Variants in PNPLA8 observed in about 807,000 individuals in gnomAD.
PNPLA8 encodes the protein patatin like domain 8, phospholipase A2.
Under a neutral mutation model 76.9 loss-of-function variants are expected in PNPLA8, and 39 were observed. That is an observed-to-expected ratio of 0.51 (90% CI 0.39 to 0.66). The LOEUF (loss-of-function observed/expected upper bound fraction) is 0.66. Ranked by LOEUF, PNPLA8 falls within the 30% of genes least tolerant of loss-of-function variation. PNPLA8 has a pLI of 0.00. For missense variants in PNPLA8, 887 were observed against 918.0 expected (o/e 0.97, Z 0.44); for synonymous variants, 301 against 307.9 (o/e 0.98, Z 0.24).
chr7:108,481,978 C>T (rs1023195730), intron 9 of PNPLA8, among the ~76,000 whole-genome samples: 1 of 152,142 alleles, frequency 6.6e-6, no homozygotes, highest in African/African-American at 2.4e-5. Context: ...CCTTTCTCCA[C>T]TGAATTGCTT....
Position 108,481,824 on chromosome 7 carries a change from T to C in PNPLA8, c.1879-2445A>G, listed in dbSNP as rs560440150. Among the ~76,000 whole-genome samples the C allele has an allele frequency of 7.4e-3, 1,129 of 152,312 alleles. 4 individuals carry two copies. Among genetic ancestry groups the C allele is most frequent in the Non-Finnish European group, 0.012 (802 of 68,016 alleles). ...GTTTTACATTTAGAACTACGATCCA[T>C]TATAAATTATCTTTGTATAATGTGT... On this transcript the variant is annotated intron_variant, in intron 9 of 10. Coordinates refer to ENST00000257694, the MANE Select transcript of PNPLA8 (RefSeq NM_001256007.3).
upstream of PNPLA8, among the ~76,000 whole-genome samples, chr7:108,527,481 T>C (rs142637814): frequency 1.3e-5 from 2 of 152,338 alleles, no homozygotes; most frequent in African/African-American, 4.8e-5. Context: ...AGATTCCTCC[T>C]TGTTGCTAAA....
At chr7:108,507,411 T>C (rs1862533387) in intron 4 of PNPLA8, among the ~76,000 whole-genome samples, 1 of 150,798 alleles carries the variant, frequency 6.6e-6, no homozygotes. Flanking sequence ...TCTCAGTACT[T>C]TGGGAGGCAA....
At chr7:108,518,549 C>T (rs1598973637) in intron 2 of PNPLA8, among the ~76,000 whole-genome samples, 1 of 151,850 alleles carries the variant, frequency 6.6e-6, no homozygotes, top group Admixed American at 6.6e-5. Context: ...AATAACTGTA[C>T]CACTCTGGTG....
chr7:108,522,196 A>G (rs774149987), intron 1 of PNPLA8, among the ~76,000 whole-genome samples: 1 of 151,700 alleles, frequency 6.6e-6, no homozygotes, highest in Non-Finnish European at 1.5e-5. Flanking sequence ...CGGGAGGCTG[A>G]GGCAGAAGAA....
chr7:108,494,419 T>C (rs762520503), intron 7 of PNPLA8, among the ~76,000 whole-genome samples: 1 of 152,206 alleles, frequency 6.6e-6, no homozygotes, highest in African/African-American at 2.4e-5. Flanking sequence ...TATGTTCATG[T>C]ATATTCAATG....
At chr7:108,503,541 C>T (rs957723941) in intron 4 of PNPLA8, among the ~76,000 whole-genome samples, 1 of 151,974 alleles carries the variant, frequency 6.6e-6, no homozygotes, top group Non-Finnish European at 1.5e-5. Context: ...TTTCCATTTC[C>T]GGTTAAGATG....
At chr7:108,487,002 C>T (rs1339145805) in intron 9 of PNPLA8, among the ~76,000 whole-genome samples, 2 of 152,060 alleles carry the variant, frequency 1.3e-5, no homozygotes, top group African/African-American at 4.8e-5. Context: ...AAAGTATCAG[C>T]TCTAAAGCTT....
At chr7:108,510,611 G>C (rs1413043279) in intron 4 of PNPLA8, 1 of 1,556,398 alleles carries the variant, frequency 6.4e-7, no homozygotes, top group Non-Finnish European at 8.8e-7. Flanking sequence ...GCTCAACAAG[G>C]CTTCGACTAA....
At chr7:108,487,999 T>A (rs749084206) in intron 8 of PNPLA8, 46 bp from the exon 9 acceptor site, 4 of 1,189,778 alleles carry the variant, frequency 3.4e-6, no homozygotes, top group Non-Finnish European at 4.9e-6. Context: ...CAGTAATATA[T>A]TTGGGATCTG....
chr7:108,520,744 T>G (rs1863676351), intron 2 of PNPLA8, among the ~76,000 whole-genome samples: 1 of 152,066 alleles, frequency 6.6e-6, no homozygotes. Context: ...AAAAAATTCA[T>G]GCTCAACTTG....
intron 2 of PNPLA8, among the ~76,000 whole-genome samples, chr7:108,518,744 TATATATATATATATAC>T (rs1488835756): frequency 0.02 from 1,551 of 78,804 alleles, 32 homozygotes; most frequent in African/African-American, 0.089. Flanking sequence ...TATATATATA[TATATATATATATATAC>T]ACACACACAC....
intron 7 of PNPLA8, among the ~76,000 whole-genome samples, chr7:108,494,760 T>C (rs1379357374): frequency 6.6e-6 from 1 of 152,138 alleles, no homozygotes; most frequent in Non-Finnish European, 1.5e-5. Flanking sequence ...CTTAAAAACA[T>C]AAAAGTTAAA....
At chr7:108,502,281 A>G (rs1293901888) in intron 5 of PNPLA8, among the ~76,000 whole-genome samples, 1 of 151,790 alleles carries the variant, frequency 6.6e-6, no homozygotes, top group African/African-American at 2.4e-5. Flanking sequence ...TGTCTCCACT[A>G]AAACTACAAA....
chr7:108,488,084 AAG>A, intron 8 of PNPLA8, 131 bp from the exon 9 acceptor site: 2 of 455,884 alleles, frequency 4.4e-6, no homozygotes, highest in Non-Finnish European at 7.8e-6. Context: ...ATGCTGAAAA[AAG>A]AGAATCAGAT....
At chr7:108,503,260 G>A (rs1862095649) in intron 4 of PNPLA8, among the ~76,000 whole-genome samples, 1 of 152,200 alleles carries the variant, frequency 6.6e-6, no homozygotes, top group African/African-American at 2.4e-5. Context: ...AGAGTTCTAT[G>A]TTGCTTACCA....
chr7:108,515,441 T>G lies in PNPLA8; in HGVS notation c.51A>C (p.Ala17=). The part of the protein sequence containing the change: ...VDIYIYLLSN[A]RSVCGKQRSK... ...TTCTCTGCTTCCCACAAACACTTCT[T>G]GCATTACTAAGGAGGTAAATATATA... Residue 17 remains alanine, a synonymous_variant, in exon 3 of 11, where the codon GCA becomes GCC. Coordinates refer to ENST00000257694, the MANE Select transcript of PNPLA8 (RefSeq NM_001256007.3). 6.2e-7 allele frequency: 1 copy of G among 1,601,802 alleles called. No individual in the cohort carries two copies. Among genetic ancestry groups the G allele is most frequent in the Non-Finnish European group, 8.5e-7 (1 of 1,174,792 alleles).
At chr7:108,496,531 T>A (rs989395466) in intron 7 of PNPLA8, 53 bp downstream of exon 7, 2 of 1,074,090 alleles carry the variant, frequency 1.9e-6, no homozygotes, top group Admixed American at 2.7e-5. Context: ...AATTATAATA[T>A]GCACATACTA....
chr7:108,517,344 G>T (rs959350847), intron 2 of PNPLA8, among the ~76,000 whole-genome samples: 1 of 152,136 alleles, frequency 6.6e-6, no homozygotes, highest in Non-Finnish European at 1.5e-5. Flanking sequence ...AAGATAGTTC[G>T]GTAGCTTCTT....
Sources: gnomAD v4.1 joint callset for allele counts (sites outside exome capture counted in the v4.1 genomes callset) on GRCh38, gnomAD v4.1.1 for gene constraint, MANE v1.5 for transcripts, NCBI Gene and HGNC (gene_info 2026-07-23, HGNC 2026-07-21) for gene names.